MYH7B: variants seen among roughly 807,000 people sequenced by gnomAD.
MYH7B encodes the protein myosin-7B.
Under a neutral mutation model 234.5 loss-of-function variants are expected in MYH7B, and 205 were observed. The ratio of observed to expected loss-of-function variants is 0.87; its 90% CI spans 0.78 to 0.98. MYH7B has a LOEUF of 0.98. Ranked by LOEUF, MYH7B falls within the 50% of genes least tolerant of loss-of-function variation. The probability of loss-of-function intolerance (pLI) is 0.00; values close to 1 mark genes in which losing one functional copy is unlikely to be tolerated. For synonymous variants in MYH7B, 1,193 were observed against 1,105.0 expected (o/e 1.08, Z -1.58); for missense variants, 2,652 against 2,633.4 (o/e 1.01, Z -0.15).
chr20:34,983,417 C>T (rs2081971858), intron 10 of MYH7B, among the ~76,000 whole-genome samples: 1 of 150,888 alleles, frequency 6.6e-6, no homozygotes, highest in Admixed American at 6.6e-5. Flanking sequence ...CCTTTTTCCT[C>T]CTTCCCTTTC....
At chr20:34,989,766 G>A (rs1195527227) in exon 20 of MYH7B, 2 of 1,614,158 alleles carry the variant, frequency 1.2e-6, no homozygotes, top group Admixed American at 1.7e-5. Context: ...CCATCCTGGA[G>A]GAGGAATGCA....
chr20:35,000,492 C>G, exon 39 of MYH7B: 1 of 1,599,924 alleles, frequency 6.3e-7, no homozygotes, highest in Non-Finnish European at 8.5e-7. Flanking sequence ...CAAGGAGGAG[C>G]AGGCAGGGCG....
intron 5 of MYH7B, 78 bp from the exon 6 acceptor site, chr20:34,979,312 C>A: frequency 8.7e-7 from 1 of 1,151,420 alleles, no homozygotes; most frequent in Non-Finnish European, 1.3e-6. Flanking sequence ...TGTATGGATA[C>A]CATGGCTTGG....
chr20:34,988,442 G>C (rs1215522322), intron 19 of MYH7B, among the ~76,000 whole-genome samples, 180 bp downstream of exon 19: 14 of 152,106 alleles, frequency 9.2e-5, no homozygotes. Context: ...GTGTGTGAAA[G>C]GGCACGTGTG....
At chr20:34,960,526 C>T (rs2081686137) in intron 2 of MYH7B, among the ~76,000 whole-genome samples, 1 of 152,252 alleles carries the variant, frequency 6.6e-6, no homozygotes. Flanking sequence ...GGAGCCACCG[C>T]ACCCAGCCAC....
chr20:34,993,479 G>C lies in MYH7B; in HGVS notation c.2444+9G>C. 1 of 1,584,576 alleles carries C rather than the reference G, an allele frequency of 6.3e-7. No individual in the cohort carries two copies. The highest frequency in any genetic ancestry group is 8.5e-7 in the Non-Finnish European group (1 of 1,169,904). ...CGCCTGCTGGGAGGCAGGTGGGTGT[G>C]GGAAGGAGGCTGGGGACAGGGTGTG... On this transcript the variant is annotated intron_variant, in intron 26 of 44. Coordinates refer to ENST00000262873, the Ensembl canonical transcript of MYH7B.
exon 6 of MYH7B, chr20:34,979,393 A>G (rs2081905157): frequency 4.3e-6 from 7 of 1,612,036 alleles, no homozygotes; most frequent in African/African-American, 1.3e-5. Flanking sequence ...AACCCAGGGA[A>G]GAAGCGAGTC....
chr20:34,986,895 T>C, exon 15 of MYH7B: 4 of 1,613,768 alleles, frequency 2.5e-6, no homozygotes, highest in Non-Finnish European at 2.5e-6. Context: ...GACATGCTGC[T>C]TCTGTCTATG....
exon 21 of MYH7B, chr20:34,990,075 T>G (rs1480239957): frequency 3.7e-6 from 6 of 1,614,112 alleles, no homozygotes; most frequent in Non-Finnish European, 5.1e-6. Flanking sequence ...GAGACCGTGG[T>G]CCCCATCTTC....
At position 34,979,500 on chromosome 20, in the gene MYH7B, C is replaced by T. The variant is rs1375071526; in HGVS notation, c.198+4C>T. ...CGTGGAGACCAAAGACCAGAAGGTT[C>T]CGTTCCCCCTTTCCTGAGATTAGCC... On this transcript the variant is annotated splice_donor_region_variant and intron_variant, in intron 6 of 44. Coordinates refer to ENST00000262873, the Ensembl canonical transcript of MYH7B. 6.2e-7 allele frequency: 1 copy of T among 1,610,568 alleles called. No homozygotes were observed. The highest frequency in any genetic ancestry group is 1.1e-5 in the South Asian group (1 of 90,578).
chr20:34,999,252 C>G, exon 36 of MYH7B: 1 of 1,604,432 alleles, frequency 6.2e-7, no homozygotes, highest in South Asian at 1.1e-5. Flanking sequence ...ACTGGAGGAA[C>G]GGCGGCGGCA....
chr20:34,987,992 G>C, intron 18 of MYH7B, 78 bp downstream of exon 18: 1 of 1,560,276 alleles, frequency 6.4e-7, no homozygotes, highest in Admixed American at 1.8e-5. Flanking sequence ...AGAAGCCCTG[G>C]CCTTCTGCCT....
intron 3 of MYH7B, among the ~76,000 whole-genome samples, chr20:34,976,225 T>C (rs2081852697): frequency 1.3e-5 from 2 of 152,226 alleles, no homozygotes; most frequent in South Asian, 4.1e-4. Flanking sequence ...TCTGTCACCA[T>C]AGGCGAGTTT....
chr20:34,995,451 T>C, exon 28 of MYH7B: 2 of 1,612,420 alleles, frequency 1.2e-6, no homozygotes, highest in Non-Finnish European at 1.7e-6. Context: ...GAGGAGGAGG[T>C]GAACGCTGAC....
At chr20:34,957,484 CTTTT>C (rs71196770) in intron 1 of MYH7B, among the ~76,000 whole-genome samples, 46 of 104,338 alleles carry the variant, frequency 4.4e-4, no homozygotes, top group African/African-American at 1.5e-3. Flanking sequence ...CCTTTTGACT[CTTTT>C]TTTTTTTTTT....
At chr20:34,994,522 C>G (rs148812267) in intron 27 of MYH7B, 121 bp downstream of exon 27, 2 of 1,239,810 alleles carry the variant, frequency 1.6e-6, no homozygotes, top group East Asian at 5.2e-5. Context: ...TCCAAAGATG[C>G]CATGAGATGA....
rs1218766043 is a variant in MYH7B, at chr20:34,981,143, T to C, written c.527+83T>C. ...GCGGTACCACAGTCATTTCCCAGGA[T>C]TGAATCCAAAGTGCTTAGGCCAGGA... On this transcript the variant is annotated intron_variant, in intron 9 of 44. Transcript: ENST00000262873. 17 of 1,570,296 alleles carry C rather than the reference T, an allele frequency of 1.1e-5. No individual in the cohort carries two copies. The Admixed American group carries it at 1.4e-4, about 13-fold the overall frequency.
At chr20:34,981,121 G>A in intron 9 of MYH7B, 61 bp downstream of exon 9, 1 of 1,594,104 alleles carries the variant, frequency 6.3e-7, no homozygotes, top group Non-Finnish European at 8.6e-7. Flanking sequence ...AAAGAGGGCG[G>A]TACCACAGTC....
chr20:34,967,186 G>A (rs2081750409), intron 2 of MYH7B, among the ~76,000 whole-genome samples: 1 of 151,644 alleles, frequency 6.6e-6, no homozygotes, highest in Non-Finnish European at 1.5e-5. Flanking sequence ...CCGACATCAC[G>A]CCACTGTACT....
Sources: allele counts gnomAD v4.1 joint callset (sites outside exome capture counted in the v4.1 genomes callset), GRCh38; gene constraint gnomAD v4.1.1; transcripts MANE v1.5; gene names NCBI Gene and HGNC (gene_info 2026-07-23, HGNC 2026-07-21).